Variants in SORCS3 observed in about 807,000 individuals in gnomAD.
The protein encoded by SORCS3 is VPS10 domain-containing receptor SorCS3.
In SORCS3, 57 loss-of-function variants were observed where a neutral mutation model predicts 146.3. That is an observed-to-expected ratio of 0.39 (90% CI 0.31 to 0.49). The LOEUF (loss-of-function observed/expected upper bound fraction) is 0.49. Among genes scored for constraint, SORCS3 ranks in the 20% least tolerant of loss-of-function variants. SORCS3 has a pLI of 0.92. For synonymous variants in SORCS3, 653 were observed against 618.5 expected, an observed-to-expected ratio of 1.06 and a Z score of -0.83; for missense variants, 1,341 against 1,575.5, an observed-to-expected ratio of 0.85 and a Z score of 2.52.
At chr10:105,123,547 TA>T (rs1183579894) in intron 7 of SORCS3, among the ~76,000 whole-genome samples, 1 of 151,882 alleles carries the variant, frequency 6.6e-6, no homozygotes, top group East Asian at 1.9e-4. Context: ...AAAAAGTAAA[TA>T]AGAAAGTTAT....
chr10:104,980,671 T>C (rs539712682), intron 4 of SORCS3, among the ~76,000 whole-genome samples: 51 of 152,342 alleles, frequency 3.3e-4, no homozygotes, highest in Non-Finnish European at 6.0e-4. Flanking sequence ...GTGCCTTTGA[T>C]GAAATGCACT....
At chr10:104,928,893 A>G (rs2019178124) in intron 3 of SORCS3, among the ~76,000 whole-genome samples, 1 of 152,192 alleles carries the variant, frequency 6.6e-6, no homozygotes, top group South Asian at 2.1e-4. Flanking sequence ...ATCCCACAGC[A>G]TGAATCTAAC....
At chr10:104,997,760 C>A (rs2133669052) in intron 4 of SORCS3, among the ~76,000 whole-genome samples, 1 of 152,238 alleles carries the variant, frequency 6.6e-6, no homozygotes, top group Middle Eastern at 3.4e-3. Context: ...TTTTCTCATG[C>A]CAGAGCCTCC....
chr10:104,849,905 TC>T lies in SORCS3; in HGVS notation c.695+7050del, dbSNP rs34703112. Among the ~76,000 whole-genome samples, 184 of 152,290 alleles carry T rather than the reference TC, an allele frequency of 1.2e-3. 1 individual carries two copies. The highest frequency in any genetic ancestry group is 6.8e-3 in the Middle Eastern group (2 of 294). On this transcript the variant is annotated intron_variant, in intron 2 of 26. Coordinates refer to ENST00000369701, the MANE Select transcript of SORCS3 (RefSeq NM_014978.3). ...TACTTGAGAGAGAATATTCCTGTCT[TC>T]CCCTTTATGTTCTCATCTGTGTTTG...
chr10:105,062,502 T>G (rs1381254833), intron 5 of SORCS3, among the ~76,000 whole-genome samples: 37 of 152,132 alleles, frequency 2.4e-4, no homozygotes, highest in Admixed American at 2.4e-3. Flanking sequence ...AATTTAACTT[T>G]TGGTGTTTGT....
At chr10:105,039,449 CTCTT>C (rs940710770) in intron 4 of SORCS3, among the ~76,000 whole-genome samples, 1 of 136,286 alleles carries the variant, frequency 7.3e-6, no homozygotes. Context: ...CTCTCTCGCT[CTCTT>C]TTTTTTTTTT....
At chr10:105,256,962 G>C (rs774655386) in intron 25 of SORCS3, 38 bp downstream of exon 25, 1 of 1,421,848 alleles carries the variant, frequency 7.0e-7, no homozygotes, top group Non-Finnish European at 9.9e-7. Context: ...AGTGGGGTTG[G>C]GGTCATTGCA....
At chr10:104,906,160 T>C (rs2018903301) in intron 2 of SORCS3, among the ~76,000 whole-genome samples, 1 of 152,222 alleles carries the variant, frequency 6.6e-6, no homozygotes, top group African/African-American at 2.4e-5. Context: ...CATATTTATT[T>C]TTTAGACAGT....
At position 105,201,213 on chromosome 10, in the gene SORCS3, G is replaced by A. The variant is rs1309983029; in HGVS notation, c.2221G>A (p.Val741Ile). Residue 741 changes from valine (V) to isoleucine (I), a missense_variant, in exon 16 of 27, where the codon GTC (valine) becomes ATC (isoleucine). By Grantham distance (29) the Val-to-Ile change is conservative. Transcript: ENST00000369701. ...ALGRDHSGSV[V>I]SEPCVCANWD... is the part of the protein sequence containing the mutation. ...GGGCCGAGACCACTCAGGATCAGTG[G>A]TCTCAGAACCCTGTGTCTGTGCCAA... 1 of 1,611,232 alleles carries A rather than the reference G, an allele frequency of 6.2e-7. No individual in the cohort carries two copies. Among genetic ancestry groups the A allele is most frequent in the East Asian group, 2.2e-5 (1 of 44,830 alleles).
intron 1 of SORCS3, among the ~76,000 whole-genome samples, chr10:104,661,706 T>C (rs970485384): frequency 4.9e-5 from 7 of 142,018 alleles, no homozygotes; most frequent in Non-Finnish European, 9.5e-5. Flanking sequence ...GATAGACAGA[T>C]AGATAGATAG....
At chr10:105,011,870 C>T (rs778802068) in intron 4 of SORCS3, among the ~76,000 whole-genome samples, 3 of 152,092 alleles carry the variant, frequency 2.0e-5, no homozygotes, top group Non-Finnish European at 2.9e-5. Context: ...AAGCTTCTTA[C>T]GTCTGTAATA....
At chr10:105,047,506 G>A (rs926216819) in intron 5 of SORCS3, among the ~76,000 whole-genome samples, 4 of 151,988 alleles carry the variant, frequency 2.6e-5, no homozygotes, top group African/African-American at 9.7e-5. Flanking sequence ...GTACTCTAAG[G>A]TATCAGGAAC....
At chr10:105,119,038 C>G (rs368072799) in intron 7 of SORCS3, among the ~76,000 whole-genome samples, 1 of 152,114 alleles carries the variant, frequency 6.6e-6, no homozygotes, top group Non-Finnish European at 1.5e-5. Context: ...CACAGAAGCC[C>G]CTCTCATCAC....
At chr10:104,981,595 A>T (rs2133654446) in intron 4 of SORCS3, among the ~76,000 whole-genome samples, 1 of 152,306 alleles carries the variant, frequency 6.6e-6, no homozygotes, top group East Asian at 1.9e-4. Flanking sequence ...AGACTTTTGG[A>T]AAGATTTTGA....
chr10:104,706,773 C>CTTT (rs1479882176), intron 1 of SORCS3, among the ~76,000 whole-genome samples: 2 of 152,138 alleles, frequency 1.3e-5, no homozygotes, highest in Non-Finnish European at 2.9e-5. Flanking sequence ...TTTATTTATA[C>CTTT]CTACATAAAC....
chr10:104,708,094 C>T (rs2016359752), intron 1 of SORCS3, among the ~76,000 whole-genome samples: 1 of 152,206 alleles, frequency 6.6e-6, no homozygotes, highest in Non-Finnish European at 1.5e-5. Flanking sequence ...GAACTACACT[C>T]ATTGTTTATC....
chr10:105,045,547 C>T (rs1353586713), intron 5 of SORCS3, among the ~76,000 whole-genome samples: 1 of 151,970 alleles, frequency 6.6e-6, no homozygotes, highest in Non-Finnish European at 1.5e-5. Flanking sequence ...AATCCAAAGA[C>T]AGAATTCAGG....
At chr10:105,006,223 T>C (rs1051251182) in intron 4 of SORCS3, among the ~76,000 whole-genome samples, 1 of 152,242 alleles carries the variant, frequency 6.6e-6, no homozygotes, top group African/African-American at 2.4e-5. Context: ...ATTACAGGCA[T>C]GAGCCACCAC....
rs74157453 is a variant in SORCS3, at chr10:105,148,341, T to C, written c.1482+545T>C. On this transcript the variant is annotated intron_variant, in intron 9 of 26. Coordinates refer to ENST00000369701, the MANE Select transcript of SORCS3 (RefSeq NM_014978.3). ...GGCCTTGACATAAGTGTGTCACTTA[T>C]ATTAAGCTTGTTAAAAAGTGTGATA... Among the ~76,000 whole-genome samples, 661 of 152,284 alleles carry C rather than the reference T, an allele frequency of 4.3e-3. 4 individuals carry two copies. Among genetic ancestry groups the C allele is most frequent in the African/African-American group, 0.015 (608 of 41,580 alleles).
Sources: gnomAD v4.1 joint callset for allele counts (sites outside exome capture counted in the v4.1 genomes callset) on GRCh38, gnomAD v4.1.1 for gene constraint, MANE v1.5 for transcripts, NCBI Gene and HGNC (gene_info 2026-07-23, HGNC 2026-07-21) for gene names.